The following GRAMD1B variants were observed in gnomAD, a reference collection of about 807,000 sequenced individuals.
GRAMD1B encodes GRAM domain containing 1B, also known as protein Aster-B.
GRAMD1B carries 37 observed loss-of-function variants against 99.7 expected under a neutral mutation model. The ratio of observed to expected loss-of-function variants is 0.37; its 90% CI spans 0.29 to 0.49. The LOEUF is 0.49. GRAMD1B is among the 20% of genes least tolerant of loss of function. The pLI, the probability that GRAMD1B is intolerant of heterozygous loss-of-function variation, is 0.98. For synonymous variants in GRAMD1B, 427 were observed against 387.6 expected, an observed-to-expected ratio of 1.10 and a Z score of -1.19; for missense variants, 888 against 1,009.2, an observed-to-expected ratio of 0.88 and a Z score of 1.63.
At chr11:123,595,848 C>A in intron 6 of GRAMD1B, 94 bp from the exon 7 acceptor site, 1 of 650,318 alleles carries the variant, frequency 1.5e-6, no homozygotes. Flanking sequence ...ATCTGATTGC[C>A]TCTGTCTACA....
chr11:123,423,945 G>A (rs376819352), intron 1 of GRAMD1B, among the ~76,000 whole-genome samples: 6 of 152,096 alleles, frequency 3.9e-5, no homozygotes, highest in East Asian at 1.9e-4. Context: ...TGCAATAAAC[G>A]CCTCCTTTCT....
At position 123,578,397 on chromosome 11, in the gene GRAMD1B, T is replaced by A. The variant is rs1384337290; in HGVS notation, c.663+820T>A. 4 of 1,527,268 alleles carry A rather than the reference T, an allele frequency of 2.6e-6. No homozygotes were observed. In the African/African-American group the frequency reaches 4.1e-5, roughly 16 times the overall value. The allele number at this position is 1,527,268 out of a possible 1,614,324, so 94.6% of individuals were successfully genotyped here. A position where few individuals can be genotyped will look rare whatever the true frequency, so the allele number is the denominator to read the frequency against. On this transcript the variant is annotated intron_variant, in intron 3 of 19. Coordinates refer to ENST00000635736, the MANE Select transcript of GRAMD1B (RefSeq NM_001387025.1). ...CCATTTCCCAAATACCTTCTTTGCA[T>A]GCATGGTCTTAGTCTCACAAGCGCC... is the stretch of plus-strand genomic sequence containing the variant.
intron 2 of GRAMD1B, among the ~76,000 whole-genome samples, chr11:123,494,820 G>T (rs1189578662): frequency 6.6e-6 from 1 of 152,028 alleles, no homozygotes; most frequent in African/African-American, 2.4e-5. Flanking sequence ...AATGTGAGTG[G>T]GTGGCAACTC....
At chr11:123,414,803 A>G (rs1277929846) in intron 1 of GRAMD1B, among the ~76,000 whole-genome samples, 1 of 152,222 alleles carries the variant, frequency 6.6e-6, no homozygotes, top group East Asian at 1.9e-4. Flanking sequence ...AGATGAGTAA[A>G]CCACGATTGA....
intron 15 of GRAMD1B, chr11:123,613,203 T>C: frequency 1.8e-6 from 1 of 569,828 alleles, no homozygotes; most frequent in South Asian, 2.3e-5. Flanking sequence ...TTAAGACGTG[T>C]ATGCCCCAAA....
intron 1 of GRAMD1B, among the ~76,000 whole-genome samples, chr11:123,460,848 T>G (rs1349054048): frequency 6.6e-6 from 1 of 152,172 alleles, no homozygotes; most frequent in Non-Finnish European, 1.5e-5. Flanking sequence ...ATGAATCCCC[T>G]GCTCCTACGT....
At chr11:123,405,994 A>G (rs1947841362) in intron 1 of GRAMD1B, among the ~76,000 whole-genome samples, 1 of 150,396 alleles carries the variant, frequency 6.6e-6, no homozygotes, top group Non-Finnish European at 1.5e-5. Context: ...TGTGGGTCAC[A>G]GTCAAAAACT....
chr11:123,516,353 C>G (rs1941667262), intron 2 of GRAMD1B, among the ~76,000 whole-genome samples: 1 of 152,136 alleles, frequency 6.6e-6, no homozygotes, highest in African/African-American at 2.4e-5. Context: ...TTAAAGCTTC[C>G]CCTGCCCTAA....
chr11:123,468,566 G>A (rs1950821170), intron 1 of GRAMD1B, among the ~76,000 whole-genome samples: 1 of 152,134 alleles, frequency 6.6e-6, no homozygotes, highest in Admixed American at 6.5e-5. Context: ...GGCTGAGGCA[G>A]GTGGATTCCT....
At chr11:123,443,699 C>T (rs1949514361) in intron 1 of GRAMD1B, among the ~76,000 whole-genome samples, 1 of 152,106 alleles carries the variant, frequency 6.6e-6, no homozygotes, top group Non-Finnish European at 1.5e-5. Flanking sequence ...TCTTCTGCCT[C>T]AGCCTCCTGA....
chr11:123,491,847 A>G (rs893366059), intron 2 of GRAMD1B: 1 of 399,296 alleles, frequency 2.5e-6, no homozygotes, highest in Non-Finnish European at 4.4e-6. Context: ...CCCTGAGCCC[A>G]GCATGGTGCA....
At chr11:123,380,771 G>A (rs1367650743) in intron 1 of GRAMD1B, among the ~76,000 whole-genome samples, 2 of 152,114 alleles carry the variant, frequency 1.3e-5, no homozygotes, top group African/African-American at 2.4e-5. Context: ...TTTTGTCCAC[G>A]TAGTTGCTTA....
chr11:123,399,694 C>T (rs1460431560), intron 1 of GRAMD1B, among the ~76,000 whole-genome samples: 1 of 152,146 alleles, frequency 6.6e-6, no homozygotes, highest in African/African-American at 2.4e-5. Context: ...ACTGCAACCT[C>T]CGTCTCCCGA....
chr11:123,445,818 CAAAAAAAAAA>C (rs36123733), intron 1 of GRAMD1B, among the ~76,000 whole-genome samples: 3 of 94,154 alleles, frequency 3.2e-5, no homozygotes, highest in African/African-American at 1.2e-4. Flanking sequence ...CACTTGTCTC[CAAAAAAAAAA>C]AAAAAAAAAA....
intron 1 of GRAMD1B, among the ~76,000 whole-genome samples, chr11:123,364,058 T>G (rs999177379): frequency 1.3e-5 from 2 of 152,192 alleles, no homozygotes; most frequent in Non-Finnish European, 2.9e-5. Context: ...GCCATGCACG[T>G]GTTTGTGTTT....
rs527584269 is a variant in GRAMD1B, at chr11:123,444,117, G to T, written c.374+12951G>T. Reference sequence around the variant, plus strand: ...AGTTAATCTCTTCAGGATTAGGAAGGTCTGGAAGGGGAAAAGTCTAGTTAT... The same window carrying T: ...AGTTAATCTCTTCAGGATTAGGAAGTTCTGGAAGGGGAAAAGTCTAGTTAT... On this transcript the variant is annotated intron_variant, in intron 1 of 19. Transcript: ENST00000635736. Among the ~76,000 whole-genome samples the T allele has an allele frequency of 5.3e-5, 8 of 152,220 alleles. No homozygotes were observed. The South Asian group carries it at 6.2e-4, about 12-fold the overall frequency.
intron 1 of GRAMD1B, among the ~76,000 whole-genome samples, chr11:123,391,297 TTC>T (rs1009543480): frequency 6.7e-4 from 34 of 51,074 alleles, no homozygotes; most frequent in African/African-American, 6.6e-3. Context: ...GCCTTACTCT[TTC>T]TCTCACCATT....
intron 1 of GRAMD1B, among the ~76,000 whole-genome samples, chr11:123,440,883 C>T (rs938636490): frequency 6.6e-6 from 1 of 152,120 alleles, no homozygotes; most frequent in African/African-American, 2.4e-5. Context: ...GTAATTGAAT[C>T]ATGGGGGCAA....
chr11:123,451,932 C>T (rs1295302386), intron 1 of GRAMD1B, among the ~76,000 whole-genome samples: 1 of 152,264 alleles, frequency 6.6e-6, no homozygotes, highest in Admixed American at 6.5e-5. Flanking sequence ...ATCCTGGGCT[C>T]AAGTGATCCT....
Sources: allele counts gnomAD v4.1 joint callset (sites outside exome capture counted in the v4.1 genomes callset), GRCh38; gene constraint gnomAD v4.1.1; transcripts MANE v1.5; gene names NCBI Gene and HGNC (gene_info 2026-07-23, HGNC 2026-07-21).